Variants in MRPS31 observed in about 807,000 individuals in gnomAD.
MRPS31 encodes the protein small ribosomal subunit protein mS31.
In MRPS31, 32 loss-of-function variants were observed where a neutral mutation model predicts 43.1. That is an observed-to-expected ratio of 0.74 (90% CI 0.56 to 1.00). The LOEUF (loss-of-function observed/expected upper bound fraction) is 1.00. Among genes scored for constraint, MRPS31 ranks in the 50% least tolerant of loss-of-function variants. The pLI, the probability that MRPS31 is intolerant of heterozygous loss-of-function variation, is 0.00. For missense variants in MRPS31, 437 were observed against 466.7 expected (o/e 0.94, Z 0.59); for synonymous variants, 165 against 161.6 (o/e 1.02, Z -0.16).
intron 2 of MRPS31, among the ~76,000 whole-genome samples, chr13:40,761,143 C>T (rs1880684328): frequency 6.6e-6 from 1 of 151,200 alleles, no homozygotes; most frequent in East Asian, 1.9e-4. Flanking sequence ...TGGCATGTGC[C>T]TATAGTCCCA....
At chr13:40,758,301 C>T (rs1880592309) in intron 3 of MRPS31, among the ~76,000 whole-genome samples, 1 of 152,172 alleles carries the variant, frequency 6.6e-6, no homozygotes, top group African/African-American at 2.4e-5. Context: ...TCAAGTGTTC[C>T]TCTTGTCTTA....
intron 1 of MRPS31, among the ~76,000 whole-genome samples, chr13:40,769,373 C>CATATATATATATATAT (rs201190639): frequency 3.0e-5 from 2 of 65,640 alleles, no homozygotes; most frequent in African/African-American, 4.5e-5. Context: ...AGACTCTGTC[C>CATATATATATATATAT]ATATATATAT....
chr13:40,771,130 G>A lies in MRPS31; in HGVS notation c.7C>T (p.Pro3Ser), dbSNP rs1292149376. 1 of 1,602,636 alleles carries A rather than the reference G, an allele frequency of 6.2e-7. No homozygotes were observed. The highest frequency in any genetic ancestry group is 1.1e-5 in the South Asian group (1 of 90,436). MF[P>S]RVSTFLPLRP... ...AGAGGTAGGAACGTCGAGACTCTAG[G>A]AAACATCGCCGAGACACGAAATGAA... Residue 3 changes from proline to serine, a missense_variant, in exon 1 of 7, where the codon CCT becomes TCT. Transcript: ENST00000323563.
chr13:40,739,263 A>G (rs1320063032), intron 6 of MRPS31, among the ~76,000 whole-genome samples: 1 of 152,206 alleles, frequency 6.6e-6, no homozygotes, highest in Non-Finnish European at 1.5e-5. Flanking sequence ...GGAGAACTAC[A>G]AACCACTGCT....
In MRPS31 at chr13:40,737,081, A is replaced by G. The variant is rs1177254551; in HGVS notation, c.959-7480T>C. On this transcript the variant is annotated intron_variant, in intron 6 of 6. Transcript: ENST00000323563. ...ACATAGGCTCAAAATAAAGGGATGGAGGAAGATCTACCAAGCAAATGGAAA... is the reference window on the plus strand; with the variant it reads ...ACATAGGCTCAAAATAAAGGGATGGGGGAAGATCTACCAAGCAAATGGAAA... Among the ~76,000 whole-genome samples, 29 of 152,120 alleles carry G rather than the reference A, an allele frequency of 1.9e-4. 1 individual carries two copies. Among genetic ancestry groups the G allele is most frequent in the African/African-American group, 7.0e-4 (29 of 41,524 alleles).
At chr13:40,746,325 C>T (rs1472497600) in intron 6 of MRPS31, among the ~76,000 whole-genome samples, 1 of 152,144 alleles carries the variant, frequency 6.6e-6, no homozygotes, top group Non-Finnish European at 1.5e-5. Flanking sequence ...GCCAGTTTCT[C>T]AAAGTACAAG....
intron 6 of MRPS31, among the ~76,000 whole-genome samples, chr13:40,737,722 A>C (rs1310812508): frequency 1.3e-5 from 2 of 152,190 alleles, no homozygotes; most frequent in Non-Finnish European, 2.9e-5. Flanking sequence ...AGAAATAAAG[A>C]TGTTCTTTGA....
At position 40,744,228 on chromosome 13, in the gene MRPS31, T is replaced by C. The variant is rs115463135; in HGVS notation, c.958+4910A>G. Among the ~76,000 whole-genome samples, 145 of 152,250 alleles carry C rather than the reference T, an allele frequency of 9.5e-4. 1 individual carries two copies. Among genetic ancestry groups the C allele is most frequent in the African/African-American group, 3.1e-3 (127 of 41,538 alleles). ...GTGGAGGGTGGGAGGAGAATGAAGA[T>C]TGGGAAACCACCTATCAGGTATTAC... On this transcript the variant is annotated intron_variant, in intron 6 of 6. Coordinates refer to ENST00000323563, the MANE Select transcript of MRPS31 (RefSeq NM_005830.4).
At chr13:40,736,544 AC>A (rs202065783) in intron 6 of MRPS31, among the ~76,000 whole-genome samples, 12,334 of 150,332 alleles carry the variant, frequency 0.082, 1,001 homozygotes, top group East Asian at 0.25. Context: ...AGGTAGGGTT[AC>A]CCTCAAAGGG....
intron 6 of MRPS31, among the ~76,000 whole-genome samples, chr13:40,747,856 A>C (rs1293107196): frequency 6.6e-6 from 1 of 152,182 alleles, no homozygotes; most frequent in East Asian, 1.9e-4. Context: ...AAACAAAAAC[A>C]ATACGAATAT....
At chr13:40,733,772 A>C (rs1463532814) in intron 6 of MRPS31, among the ~76,000 whole-genome samples, 2 of 152,028 alleles carry the variant, frequency 1.3e-5, no homozygotes, top group Non-Finnish European at 2.9e-5. Context: ...GGAGTTCACG[A>C]CCAGCCTGGG....
intron 6 of MRPS31, among the ~76,000 whole-genome samples, chr13:40,734,614 T>C (rs1459369360): frequency 6.6e-6 from 1 of 152,106 alleles, no homozygotes; most frequent in African/African-American, 2.4e-5. Context: ...TTAAACAGTT[T>C]TCCAGGCTGG....
chr13:40,744,356 G>C (rs1157124467), intron 6 of MRPS31, among the ~76,000 whole-genome samples: 1 of 151,944 alleles, frequency 6.6e-6, no homozygotes, highest in East Asian at 1.9e-4. Flanking sequence ...TAAAATTAAA[G>C]TTGGAAATAA....
At chr13:40,745,669 C>T (rs1391040625) in intron 6 of MRPS31, among the ~76,000 whole-genome samples, 2 of 152,112 alleles carry the variant, frequency 1.3e-5, no homozygotes, top group Non-Finnish European at 2.9e-5. Flanking sequence ...TTTCACAGTG[C>T]AAATGTCTTA....
chr13:40,753,867 A>G (rs1255450430), intron 5 of MRPS31, 152 bp downstream of exon 5: 3 of 598,186 alleles, frequency 5.0e-6, no homozygotes, highest in Non-Finnish European at 8.7e-6. Flanking sequence ...TACAGTCCCA[A>G]GTTTTCCTTG....
At chr13:40,760,519 A>G (rs562101820) in intron 2 of MRPS31, among the ~76,000 whole-genome samples, 5 of 152,302 alleles carry the variant, frequency 3.3e-5, no homozygotes, top group African/African-American at 4.8e-5. Flanking sequence ...TTCTTTGCAT[A>G]TGTTTTAAAT....
chr13:40,729,535 G>A lies in MRPS31; in HGVS notation c.1025C>T (p.Pro342Leu). 1 of 1,613,856 alleles carries A rather than the reference G, an allele frequency of 6.2e-7. No individual in the cohort carries two copies. The highest frequency in any genetic ancestry group is 8.5e-7 in the Non-Finnish European group (1 of 1,179,956). Residue 342 changes from proline to leucine, a missense_variant, in exon 7 of 7, where the codon CCA becomes CTA. Physicochemically the swap from Pro to Leu is moderately conservative, Grantham distance 98 (BLOSUM62 -3). Coordinates refer to ENST00000323563, the MANE Select transcript of MRPS31 (RefSeq NM_005830.4). ...GAAGTGGCGAATTGGTCCTTGTTTT[G>A]GAAAGCTCTCCAGGTGTTTCTCCAG... is the stretch of plus-strand genomic sequence containing the variant. ...IFLEKHLESF[P>L]KQGPIRHFME...
chr13:40,747,829 C>A (rs1457649250), intron 6 of MRPS31, among the ~76,000 whole-genome samples: 1 of 151,978 alleles, frequency 6.6e-6, no homozygotes, highest in Non-Finnish European at 1.5e-5. Context: ...GATGACACAG[C>A]GAGGCTCCAT....
intron 6 of MRPS31, among the ~76,000 whole-genome samples, chr13:40,748,120 G>T (rs1880289390): frequency 6.6e-6 from 1 of 152,072 alleles, no homozygotes; most frequent in African/African-American, 2.4e-5. Context: ...CCAACTTCTA[G>T]CTAATCTTAC....
Sources: allele counts gnomAD v4.1 joint callset (sites outside exome capture counted in the v4.1 genomes callset), GRCh38; gene constraint gnomAD v4.1.1; transcripts MANE v1.5; gene names NCBI Gene and HGNC (gene_info 2026-07-23, HGNC 2026-07-21).